Variants in CCDC170 observed in about 807,000 individuals in gnomAD.
The protein encoded by CCDC170 is coiled-coil domain-containing protein 170.
In CCDC170, 69 loss-of-function variants were observed where a neutral mutation model predicts 72.6. That is an observed-to-expected ratio of 0.95 (90% confidence interval 0.78 to 1.16). The LOEUF (loss-of-function observed/expected upper bound fraction) is 1.16, where lower values mean the gene tolerates loss of function less well. CCDC170 is among the 50% of genes most tolerant of loss of function. The pLI, the probability that CCDC170 is intolerant of heterozygous loss-of-function variation, is 0.00. For missense variants in CCDC170, 852 were observed against 832.5 expected (o/e 1.02, Z -0.29); for synonymous variants, 300 against 303.9 (o/e 0.99, Z 0.13).
At chr6:151,526,272 G>T (rs1782409652) in intron 1 of CCDC170, among the ~76,000 whole-genome samples, 1 of 151,152 alleles carries the variant, frequency 6.6e-6, no homozygotes, top group South Asian at 2.1e-4. Flanking sequence ...GTCCAGGCTG[G>T]AGTGCAGTGG....
chr6:151,600,330 G>A (rs1776687112), intron 9 of CCDC170, among the ~76,000 whole-genome samples: 1 of 152,126 alleles, frequency 6.6e-6, no homozygotes, highest in Admixed American at 6.5e-5. Context: ...TAGCTTTACT[G>A]TATTAGTTTC....
At chr6:151,588,328 C>A (rs1240952756) in intron 7 of CCDC170, among the ~76,000 whole-genome samples, 8 of 151,944 alleles carry the variant, frequency 5.3e-5, no homozygotes, top group African/African-American at 1.5e-4. Flanking sequence ...ACAACAAAAA[C>A]ACACACACAC....
chr6:151,538,160 T>A lies in CCDC170; in HGVS notation c.302T>A (p.Leu101Ter), dbSNP rs573435213. The A allele has an allele frequency of 6.2e-7, 1 of 1,613,962 alleles. No individual in the cohort carries two copies. The highest frequency in any genetic ancestry group is 1.1e-5 in the South Asian group (1 of 91,076). ...NARKSSLLTS[L>*]RDRVQELEEE... ...AGAAAATCATCTCTCCTTACCTCTT[T>A]GAGAGACAGAGTTCAGGAACTAGAA... The change falls in exon 3 of 11, where the codon TTG becomes TAG. Residue 101 changes from leucine (L) to a stop codon, truncating the protein, a stop_gained. Coordinates refer to ENST00000239374, the MANE Select transcript of CCDC170 (RefSeq NM_025059.4). LOFTEE classifies it high-confidence loss of function.
At chr6:151,532,908 G>A (rs992402017) in intron 1 of CCDC170, among the ~76,000 whole-genome samples, 2 of 152,178 alleles carry the variant, frequency 1.3e-5, no homozygotes, top group African/African-American at 4.8e-5. Flanking sequence ...ACTATTTTTT[G>A]TCTGTGTTTG....
chr6:151,566,646 C>G (rs924807623), intron 5 of CCDC170, among the ~76,000 whole-genome samples: 6 of 152,200 alleles, frequency 3.9e-5, no homozygotes, highest in Admixed American at 2.0e-4. Flanking sequence ...AATAGAATTA[C>G]CCAAATTGTA....
At chr6:151,536,788 A>G (rs951190487) in intron 2 of CCDC170, among the ~76,000 whole-genome samples, 13 of 151,402 alleles carry the variant, frequency 8.6e-5, no homozygotes, top group African/African-American at 3.2e-4. Context: ...AAAAAAAAAA[A>G]AAAAAAAAAA....
intron 9 of CCDC170, among the ~76,000 whole-genome samples, chr6:151,610,005 G>T (rs1020919526): frequency 3.3e-5 from 5 of 152,190 alleles, no homozygotes; most frequent in African/African-American, 9.7e-5. Flanking sequence ...AATCTGAACA[G>T]ACAGGCTGAA....
intron 6 of CCDC170, among the ~76,000 whole-genome samples, chr6:151,575,197 T>C (rs1409885410): frequency 6.6e-6 from 1 of 152,178 alleles, no homozygotes; most frequent in Non-Finnish European, 1.5e-5. Context: ...AATTCCATTA[T>C]GAAATATTTC....
intron 1 of CCDC170, among the ~76,000 whole-genome samples, chr6:151,522,471 A>G (rs1288668457): frequency 1.3e-5 from 2 of 151,906 alleles, no homozygotes; most frequent in African/African-American, 2.4e-5. Flanking sequence ...CTCAACCCCA[A>G]CTCATTCCAA....
chr6:151,496,221 G>A (rs900060223), intron 1 of CCDC170, among the ~76,000 whole-genome samples: 1 of 152,174 alleles, frequency 6.6e-6, no homozygotes, highest in Admixed American at 6.5e-5. Flanking sequence ...ATCACATCAG[G>A]AGGGGCATAT....
intron 9 of CCDC170, among the ~76,000 whole-genome samples, chr6:151,608,195 C>A (rs1167675600): frequency 2.0e-5 from 3 of 152,066 alleles, no homozygotes; most frequent in Non-Finnish European, 2.9e-5. Context: ...ATATTTATTT[C>A]TTTGCTGACT....
At chr6:151,530,846 A>G (rs1364973756) in intron 1 of CCDC170, among the ~76,000 whole-genome samples, 1 of 152,116 alleles carries the variant, frequency 6.6e-6, no homozygotes. Flanking sequence ...TTCTCATTTT[A>G]TTAGCCATTT....
At chr6:151,582,175 T>C (rs957659396) in intron 6 of CCDC170, among the ~76,000 whole-genome samples, 7 of 152,340 alleles carry the variant, frequency 4.6e-5, no homozygotes, top group African/African-American at 1.4e-4. Context: ...AATGGCAACC[T>C]CTTCCCATAG....
At chr6:151,497,871 G>A (rs758797022) in intron 1 of CCDC170, among the ~76,000 whole-genome samples, 3 of 150,592 alleles carry the variant, frequency 2.0e-5, no homozygotes, top group Admixed American at 6.7e-5. Context: ...AGTTACTGGG[G>A]AGGCTGAGGC....
chr6:151,564,556 G>A (rs1412674384), intron 5 of CCDC170, among the ~76,000 whole-genome samples: 6 of 152,326 alleles, frequency 3.9e-5, no homozygotes, highest in African/African-American at 1.4e-4. Context: ...GCAGTTGTGG[G>A]ACAATGCTTT....
intron 9 of CCDC170, among the ~76,000 whole-genome samples, chr6:151,598,395 G>T (rs1042660920): frequency 1.3e-5 from 2 of 152,122 alleles, no homozygotes; most frequent in East Asian, 3.9e-4. Flanking sequence ...CAGCTGAAAC[G>T]CAAGCTGGAG....
intron 1 of CCDC170, among the ~76,000 whole-genome samples, chr6:151,520,991 A>G (rs1782306688): frequency 6.6e-6 from 1 of 152,208 alleles, no homozygotes; most frequent in South Asian, 2.1e-4. Flanking sequence ...TGTCTTGATA[A>G]ATTGGCTCTG....
intron 1 of CCDC170, among the ~76,000 whole-genome samples, chr6:151,525,581 C>G (rs1294684076): frequency 1.3e-5 from 2 of 152,180 alleles, no homozygotes; most frequent in Admixed American, 6.5e-5. Context: ...GTAAGATCCA[C>G]CCCCTGACCA....
intron 1 of CCDC170, among the ~76,000 whole-genome samples, chr6:151,509,268 T>G (rs1349948698): frequency 6.7e-6 from 1 of 149,806 alleles, no homozygotes; most frequent in African/African-American, 2.5e-5. Context: ...CTATGAATGA[T>G]AATGATGAAT....
Sources: allele counts gnomAD v4.1 joint callset (sites outside exome capture counted in the v4.1 genomes callset), GRCh38; gene constraint gnomAD v4.1.1; transcripts MANE v1.5; gene names NCBI Gene and HGNC (gene_info 2026-07-23, HGNC 2026-07-21).